Variants in EPRS1 observed in about 807,000 individuals in gnomAD.
EPRS1 encodes bifunctional glutamate/proline--tRNA ligase.
EPRS1 carries 107 observed loss-of-function variants against 188.3 expected under a neutral mutation model. The ratio of observed to expected loss-of-function variants is 0.57; its 90% CI spans 0.49 to 0.67. EPRS1 has a LOEUF of 0.67. Ranked by LOEUF, EPRS1 falls within the 30% of genes least tolerant of loss-of-function variation. The probability of loss-of-function intolerance (pLI) is 0.00; values close to 1 mark genes in which losing one functional copy is unlikely to be tolerated. For synonymous variants in EPRS1, 596 were observed against 593.1 expected, an observed-to-expected ratio of 1.00 and a Z score of -0.07; for missense variants, 1,577 against 1,802.2, an observed-to-expected ratio of 0.88 and a Z score of 2.26.
intron 26 of EPRS1, 137 bp from the exon 27 acceptor site, chr1:219,979,752 A>G: frequency 1.5e-6 from 1 of 646,788 alleles, no homozygotes; most frequent in East Asian, 2.7e-5. Flanking sequence ...AAGGTTTTTA[A>G]TTATAAGCAT....
chr1:219,983,675 T>C lies in EPRS1; in HGVS notation c.3091-277A>G, dbSNP rs2789793. 0.77 allele frequency among the ~76,000 whole-genome samples: 117,672 copies of C among 152,102 alleles called. 45,831 individuals carry two copies. The highest frequency in any genetic ancestry group is 0.92 in the East Asian group (4,769 of 5,166). On this transcript the variant is annotated intron_variant, in intron 21 of 31. Transcript: ENST00000366923. ...TGGGACGCCGAGGTGGGTGGATTGC[T>C]TGAGGTCAGGAGTTCGAGACCAGCC... is the stretch of plus-strand genomic sequence containing the variant.
chr1:219,979,539 C>G lies in EPRS1; in HGVS notation c.3788G>C (p.Gly1263Ala). 6.2e-7 allele frequency: 1 copy of G among 1,613,968 alleles called. No homozygotes were observed. Among genetic ancestry groups the G allele is most frequent in the South Asian group, 1.1e-5 (1 of 91,070 alleles). The change falls in exon 27 of 32, where the codon GGA (glycine) becomes GCA (alanine). Residue 1263 changes from glycine (G) to alanine (A), a missense_variant. Around this residue, in one of 3 missense-constraint regions of EPRS1, gnomAD observed 296 missense variants for 327.9 expected, o/e 0.90. Transcript: ENST00000366923. ...EIVFEDPKIP[G>A]EKQFAYQNSW... ...GTTTTGATAGGCAAATTGCTTCTCTCCTGGTATCTTTGGATCTTCAAAAAC... is the reference window on the plus strand; with the variant it reads ...GTTTTGATAGGCAAATTGCTTCTCTGCTGGTATCTTTGGATCTTCAAAAAC...
chr1:220,026,989 T>A (rs996936943), intron 6 of EPRS1, among the ~76,000 whole-genome samples: 1 of 152,094 alleles, frequency 6.6e-6, no homozygotes, highest in African/African-American at 2.4e-5. Flanking sequence ...AGATCAATGA[T>A]TCAACTTTAA....
At chr1:220,002,033 GAA>G (rs554209692) in intron 16 of EPRS1, among the ~76,000 whole-genome samples, 1 of 135,396 alleles carries the variant, frequency 7.4e-6, no homozygotes. Flanking sequence ...TGTCTCCAAA[GAA>G]AAAAAAAAAA....
At chr1:220,007,115 G>C in intron 14 of EPRS1, 87 bp downstream of exon 14, 1 of 1,171,958 alleles carries the variant, frequency 8.5e-7, no homozygotes, top group South Asian at 1.6e-5. Context: ...AACATGTATG[G>C]GTCTGAATTT....
At chr1:220,023,057 C>A (rs1463922305) in intron 8 of EPRS1, among the ~76,000 whole-genome samples, 1 of 152,098 alleles carries the variant, frequency 6.6e-6, no homozygotes, top group Non-Finnish European at 1.5e-5. Flanking sequence ...CCTGAAAGCC[C>A]CTTCATCATC....
intron 26 of EPRS1, 74 bp from the exon 27 acceptor site, chr1:219,979,689 C>A: frequency 9.8e-7 from 1 of 1,019,098 alleles, no homozygotes; most frequent in Non-Finnish European, 1.5e-6. Context: ...ACTATAAGAT[C>A]ACATGCTTTA....
intron 3 of EPRS1, 79 bp downstream of exon 3, chr1:220,034,835 C>T (rs1662147493): frequency 1.2e-6 from 1 of 828,500 alleles, no homozygotes; most frequent in Non-Finnish European, 2.1e-6. Flanking sequence ...AGTTCATAAG[C>T]CAACAATAAA....
At position 219,983,211 on chromosome 1, in the gene EPRS1, T is replaced by A; in HGVS notation, c.3278A>T (p.His1093Leu). The A allele has an allele frequency of 6.2e-7, 1 of 1,613,904 alleles. No homozygotes were observed. The highest frequency in any genetic ancestry group is 1.1e-5 in the South Asian group (1 of 91,024). ...TACCTCTGGGGCAAAGTCAGCAACATGAGTCTTCTCTTTCTCTAATGCACT... is the reference window on the plus strand; with the variant it reads ...TACCTCTGGGGCAAAGTCAGCAACAAGAGTCTTCTCTTTCTCTAATGCACT... ...SQSALEKEKT[H>L]VADFAPEVAW... Residue 1093 changes from histidine to leucine, a missense_variant, in exon 22 of 32, where the codon CAT becomes CTT. Around this residue, in one of 3 missense-constraint regions of EPRS1, gnomAD observed 1,278 missense variants for 1,457.4 expected, o/e 0.88. Coordinates refer to ENST00000366923, the MANE Select transcript of EPRS1 (RefSeq NM_004446.3).
At chr1:220,009,671 C>A (rs1280335244) in intron 13 of EPRS1, among the ~76,000 whole-genome samples, 1 of 151,058 alleles carries the variant, frequency 6.6e-6, no homozygotes, top group African/African-American at 2.4e-5. Flanking sequence ...AGCACCAGAG[C>A]AAGGCCCATT....
rs1403274152 is a variant in EPRS1 at position 219,981,321 on chromosome 1, A to T, written c.3453+57T>A. 377 of 219,286 alleles carry T rather than the reference A, an allele frequency of 1.7e-3. 4 individuals are homozygous for T. In the South Asian group the frequency reaches 0.024, roughly 14 times the overall value. 13.6% of individuals were successfully genotyped at this position (219,286 alleles called of 1,614,324 possible). On this transcript the variant is annotated intron_variant, in intron 24 of 31. Transcript: ENST00000366923. ...AAATAAAAACAAAATGTGCTTTAAA[A>T]AAAAAAAAAAAAAGAACATGAATAA...
chr1:219,988,329 GAAAC>G (rs1408746334), intron 19 of EPRS1, among the ~76,000 whole-genome samples: 2 of 152,088 alleles, frequency 1.3e-5, no homozygotes, highest in African/African-American at 4.8e-5. Flanking sequence ...AGGTTGGAGG[GAAAC>G]AAACAATTTA....
Position 219,978,663 on chromosome 1 carries a change from C to A in EPRS1, c.3966G>T (p.Ala1322=), listed in dbSNP as rs1376166324. Residue 1322 remains alanine (A), a synonymous_variant, in exon 28 of 32, where the codon GCG becomes GCT. Coordinates refer to ENST00000366923, the MANE Select transcript of EPRS1 (RefSeq NM_004446.3). The stretch of plus-strand genomic sequence containing the variant: ...GATAATCATTGCATTTTGCAATCAG[C>A]GCTTCTTTGTCTTCTTCAGAAAGTG... The part of the protein sequence containing the change: ...TNALSEEDKE[A]LIAKCNDYRR... The A allele has an allele frequency of 1.2e-6, 2 of 1,612,086 alleles. No homozygotes were observed. The highest frequency in any genetic ancestry group is 1.7e-6 in the Non-Finnish European group (2 of 1,178,868).
Position 220,033,584 on chromosome 1 carries a change from G to C in EPRS1, c.306C>G (p.Leu102=), listed in dbSNP as rs1419373682. The change falls in exon 4 of 32, where the codon CTC becomes CTG. Residue 102 remains leucine (L), a synonymous_variant. Coordinates refer to ENST00000366923, the MANE Select transcript of EPRS1 (RefSeq NM_004446.3). The part of the protein sequence containing the change: ...CDSFTSTINE[L]NHCLSLRTYL... ...ATGTTCTCAGAGACAGGCAATGATT[G>C]AGTTCATTAATTGTAGAAGTAAAGG... is the stretch of plus-strand genomic sequence containing the variant. 3 of 1,609,650 alleles carry C rather than the reference G, an allele frequency of 1.9e-6. No individual in the cohort carries two copies. Among genetic ancestry groups the C allele is most frequent in the South Asian group, 2.2e-5 (2 of 90,920 alleles).
intron 2 of EPRS1, among the ~76,000 whole-genome samples, chr1:220,035,694 T>A (rs1359120244): frequency 6.6e-6 from 1 of 151,112 alleles, no homozygotes; most frequent in Non-Finnish European, 1.5e-5. Context: ...CTAGGCATAG[T>A]GGCATGCACC....
In EPRS1 at chr1:219,996,997, C is replaced by T. The variant is rs773208036; in HGVS notation, c.2527G>A (p.Glu843Lys). ...AACATACTGACCTTAGGGGATTTTT[C>T]AGCTTTTAGCTTACGAACCACCTCC... ...QGEVVRKLKA[E>K]KSPKAKINEA... The change falls in exon 18 of 32, where the codon GAA becomes AAA. Residue 843 changes from glutamate to lysine, a missense_variant. Glu to Lys is a moderately conservative substitution (Grantham distance 56). Around this residue, in one of 3 missense-constraint regions of EPRS1, gnomAD observed 1,278 missense variants for 1,457.4 expected, o/e 0.88. Coordinates refer to ENST00000366923, the MANE Select transcript of EPRS1 (RefSeq NM_004446.3). The T allele has an allele frequency of 6.3e-7, 1 of 1,596,044 alleles. No individual in the cohort carries two copies. Among genetic ancestry groups the T allele is most frequent in the Non-Finnish European group, 8.5e-7 (1 of 1,173,516 alleles).
Position 220,006,098 on chromosome 1 carries a change from A to C in EPRS1, c.1950+8T>G, listed in dbSNP as rs369149609. The stretch of plus-strand genomic sequence containing the variant: ...AAAAGGTGAAATATGGTTTCTTTGG[A>C]AGGTTACCTTACTGTTCTTGTTGAC... On this transcript the variant is annotated splice_region_variant and intron_variant, in intron 15 of 31. Coordinates refer to ENST00000366923, the MANE Select transcript of EPRS1 (RefSeq NM_004446.3). 33 of 1,497,966 alleles carry C rather than the reference A, an allele frequency of 2.2e-5. No homozygotes were observed. The highest frequency in any genetic ancestry group is 3.0e-5 in the Non-Finnish European group (33 of 1,109,398). The allele number at this position is 1,497,966 out of a possible 1,614,324, so 92.8% of individuals were successfully genotyped here. A position where few individuals can be genotyped will look rare whatever the true frequency, so the allele number is the denominator to read the frequency against.
intron 17 of EPRS1, among the ~76,000 whole-genome samples, chr1:219,999,638 A>T (rs1661304581): frequency 6.6e-6 from 1 of 152,098 alleles, no homozygotes; most frequent in African/African-American, 2.4e-5. Flanking sequence ...CTCCCAGCCA[A>T]CACCAATATC....
At chr1:219,989,102 C>T (rs1182392335) in intron 18 of EPRS1, among the ~76,000 whole-genome samples, 1 of 152,110 alleles carries the variant, frequency 6.6e-6, no homozygotes, top group African/African-American at 2.4e-5. Context: ...AGTAAACTGT[C>T]AGTGTCAAGA....
Sources: allele counts gnomAD v4.1 joint callset (sites outside exome capture counted in the v4.1 genomes callset), GRCh38; gene constraint gnomAD v4.1.1; regional missense constraint gnomAD v4.1.1; transcripts MANE v1.5; gene names NCBI Gene and HGNC (gene_info 2026-07-23, HGNC 2026-07-21).